MYH11: variants seen among roughly 807,000 people sequenced by gnomAD.
MYH11 encodes myosin-11.
MYH11 carries 80 observed loss-of-function variants against 246.6 expected under a neutral mutation model. The ratio of observed to expected loss-of-function variants is 0.32; its 90% confidence interval spans 0.27 to 0.39. MYH11 has a LOEUF of 0.39. Among genes scored for constraint, MYH11 ranks in the 10% least tolerant of loss-of-function variants. The probability of loss-of-function intolerance (pLI) is 1.00; values close to 1 mark genes in which losing one functional copy is unlikely to be tolerated. For synonymous variants in MYH11, 1,071 were observed against 1,015.5 expected (o/e 1.05, Z -1.04); for missense variants, 2,158 against 2,546.8 (o/e 0.85, Z 3.29).
At chr16:15,819,693 T>C (rs900280680) in intron 3 of MYH11, among the ~76,000 whole-genome samples, 1 of 152,112 alleles carries the variant, frequency 6.6e-6, no homozygotes, top group South Asian at 2.1e-4. Flanking sequence ...TATATGACAA[T>C]GTAATCATAG....
chr16:15,843,823 C>G (rs1298741559), intron 1 of MYH11, among the ~76,000 whole-genome samples: 1 of 152,150 alleles, frequency 6.6e-6, no homozygotes, highest in Admixed American at 6.6e-5. Context: ...GCTTCTGAGT[C>G]AGTAGGACTG....
In MYH11 at chr16:15,715,022, C is replaced by T. The variant is rs2151192125; in HGVS notation, c.5673G>A (p.Glu1891=). ...QLKRQLEEAE[E]ESQRINANRR... The stretch of plus-strand genomic sequence containing the variant: ...GGTTGGCGTTGATGCGCTGGGACTC[C>T]TCCTCTGCCTCCTCCAGCTGCCTCT... Residue 1891 remains glutamate, a synonymous_variant, in exon 40 of 41, where the codon GAG becomes GAA. Transcript: ENST00000300036. 6.2e-7 allele frequency: 1 copy of T among 1,613,904 alleles called. No homozygotes were observed. The highest frequency in any genetic ancestry group is 1.3e-5 in the African/African-American group (1 of 75,042).
At chr16:15,791,825 C>T (rs2042617446) in intron 4 of MYH11, 1 of 152,108 alleles carries the variant, frequency 6.6e-6, no homozygotes, top group African/African-American at 2.4e-5. Context: ...AGGTGCACAC[C>T]ACCACAGCTG....
At chr16:15,769,975 ATTAT>A (rs2042063363) in intron 9 of MYH11, among the ~76,000 whole-genome samples, 1 of 152,162 alleles carries the variant, frequency 6.6e-6, no homozygotes, top group African/African-American at 2.4e-5. Flanking sequence ...CCAGTTTTTT[ATTAT>A]TTAAATAAAA....
chr16:15,777,775 T>G (rs1246738138), intron 7 of MYH11, among the ~76,000 whole-genome samples: 2 of 152,258 alleles, frequency 1.3e-5, no homozygotes, highest in Middle Eastern at 3.4e-3. Flanking sequence ...CTGTGCATAT[T>G]ATTATGCATA....
At chr16:15,745,099 C>T in intron 20 of MYH11, 30 bp downstream of exon 20, 1 of 1,588,986 alleles carries the variant, frequency 6.3e-7, no homozygotes, top group African/African-American at 1.3e-5. Flanking sequence ...CTGGGGGCCC[C>T]TGGGAAGGGG....
intron 32 of MYH11, 178 bp from the exon 33 acceptor site, chr16:15,721,229 C>A: frequency 1.1e-6 from 1 of 939,288 alleles, no homozygotes. Context: ...TCCTCGGACC[C>A]CCCAACTCAG....
intron 22 of MYH11, 139 bp downstream of exon 22, chr16:15,741,324 C>CATCT: frequency 1.0e-6 from 1 of 970,336 alleles, no homozygotes; most frequent in East Asian, 2.4e-5. Context: ...TGGCCTTGAT[C>CATCT]AGATGACCAA....
intron 9 of MYH11, among the ~76,000 whole-genome samples, chr16:15,764,834 GCTTCTTACATACT>G (rs2041946767): frequency 6.6e-6 from 1 of 152,202 alleles, no homozygotes; most frequent in Non-Finnish European, 1.5e-5. Context: ...AAAACCCTGT[GCTTCTTACATACT>G]CTTCTGGGTG....
rs1343203168 is a variant in MYH11, at chr16:15,714,860, T to C, written c.5786+49A>G. ...CGAAAGGAGCCCGAGCCCCCAGTGC[T>C]TTTCTCTGGCCTGAGAGACGGGGTC... On this transcript the variant is annotated intron_variant, in intron 40 of 40. Transcript: ENST00000300036. The C allele has an allele frequency of 3.7e-6, 6 of 1,609,558 alleles. No homozygotes were observed. In the Admixed American group the frequency reaches 1.0e-4, roughly 27 times the overall value.
Position 15,703,588 on chromosome 16 carries a change from G to A in MYH11, c.*403C>T. On this transcript the variant is annotated 3_prime_UTR_variant, in exon 41 of 41. Transcript: ENST00000300036. ...TTTACCTTGAATACAGGGGTAGTAG[G>A]GGTGGTGGTGGTGGTGGTGGTTGAG... The A allele has an allele frequency of 2.7e-6, 1 of 376,010 alleles. No individual in the cohort carries two copies. Among genetic ancestry groups the A allele is most frequent in the Non-Finnish European group, 5.0e-6 (1 of 199,888 alleles). The allele number at this position is 376,010 out of a possible 1,614,324, so 23.3% of individuals were successfully genotyped here.
intron 13 of MYH11, among the ~76,000 whole-genome samples, chr16:15,757,571 G>A (rs2041760971): frequency 6.9e-6 from 1 of 145,604 alleles, no homozygotes; most frequent in African/African-American, 2.5e-5. Flanking sequence ...AAAGAGGGTA[G>A]GGAAGAAAAA....
At chr16:15,763,650 T>G in intron 10 of MYH11, 146 bp downstream of exon 10, 2 of 744,310 alleles carry the variant, frequency 2.7e-6, no homozygotes, top group African/African-American at 1.7e-5. Context: ...ACTGAAAAGT[T>G]TGAAAAAGTG....
intron 15 of MYH11, among the ~76,000 whole-genome samples, chr16:15,751,211 A>AGTGCAAT (rs2041561077): frequency 6.6e-6 from 1 of 151,370 alleles, no homozygotes; most frequent in African/African-American, 2.4e-5. Flanking sequence ...GCCAGGCTGG[A>AGTGCAAT]GTGCAATGGC....
chr16:15,725,472 C>T, intron 28 of MYH11: 1 of 422,774 alleles, frequency 2.4e-6, no homozygotes, highest in Non-Finnish European at 4.1e-6. Context: ...ACCCTGATGG[C>T]CAAAGCCAGA....
At chr16:15,792,723 T>C (rs926801175) in intron 4 of MYH11, 1 of 152,232 alleles carries the variant, frequency 6.6e-6, no homozygotes, top group Non-Finnish European at 1.5e-5. Flanking sequence ...TTCATTTATT[T>C]ATTTTATTGT....
chr16:15,705,984 C>CA lies in MYH11; in HGVS notation c.5787-1862dup, dbSNP rs57451847. ...TAGGCGACAGGGTGAGACTCCGTCT[C>CA]AAAAAAAAAAAAAAAAAAAAATCAA... On this transcript the variant is annotated intron_variant, in intron 40 of 40. Transcript: ENST00000300036. Among the ~76,000 whole-genome samples the CA allele has an allele frequency of 4.9e-3, 280 of 56,710 alleles. 16 individuals carry two copies. In the East Asian group the frequency reaches 0.051, roughly 10 times the overall value. 37.2% of individuals were successfully genotyped at this position (56,710 alleles called of 152,430 possible). A position where few individuals can be genotyped will look rare whatever the true frequency, so the allele number is the denominator to read the frequency against.
At position 15,732,681 on chromosome 16, in the gene MYH11, C is replaced by T. The variant is rs1596749050; in HGVS notation, c.3534G>A (p.Val1178=). Residue 1178 remains valine, a synonymous_variant, in exon 27 of 41, where the codon GTG becomes GTA. Transcript: ENST00000300036. The part of the protein sequence containing the change: ...LRAKREQEVT[V]LKKALDEETR... ...TCTCTTCATCCAGGGCCTTCTTCAG[C>T]ACCGTCACCTCCTGCTCCCTCTTGG... 1.2e-6 allele frequency: 2 copies of T among 1,614,226 alleles called. No individual in the cohort carries two copies. The highest frequency in any genetic ancestry group is 1.7e-6 in the Non-Finnish European group (2 of 1,180,044).
At chr16:15,704,737 C>CA (rs2039357282) in intron 40 of MYH11, among the ~76,000 whole-genome samples, 2 of 152,236 alleles carry the variant, frequency 1.3e-5, no homozygotes, top group Non-Finnish European at 2.9e-5. Flanking sequence ...TTCCCCACTG[C>CA]AGGGACTGCT....
Sources: allele counts gnomAD v4.1 joint callset (sites outside exome capture counted in the v4.1 genomes callset), GRCh38; gene constraint gnomAD v4.1.1; transcripts MANE v1.5; gene names NCBI Gene and HGNC (gene_info 2026-07-23, HGNC 2026-07-21).